Variants in TTC16 observed in about 807,000 individuals in gnomAD.
TTC16 encodes tetratricopeptide repeat domain 16.
TTC16 carries 66 observed loss-of-function variants against 80.4 expected under a neutral mutation model. The ratio of observed to expected loss-of-function variants is 0.82; its 90% CI spans 0.67 to 1.01. The LOEUF is 1.01. Among genes scored for constraint, TTC16 ranks in the 50% least tolerant of loss-of-function variants. TTC16 has a pLI of 0.00. For synonymous variants in TTC16, 438 were observed against 451.3 expected (o/e 0.97, Z 0.37); for missense variants, 1,070 against 1,103.2 (o/e 0.97, Z 0.43).
chr9:127,716,272 A>T, intron 1 of TTC16, 109 bp downstream of exon 1: 1 of 1,519,192 alleles, frequency 6.6e-7, no homozygotes, highest in Non-Finnish European at 9.1e-7. Flanking sequence ...CAGCAGTCCG[A>T]CTCAGGGAAG....
intron 4 of TTC16, 124 bp downstream of exon 4, chr9:127,717,896 G>A (rs1437394483): frequency 1.7e-5 from 21 of 1,259,748 alleles, no homozygotes; most frequent in South Asian, 3.1e-5. Context: ...GGTCCCCCCC[G>A]CTGCCCCTCT....
At position 127,722,002 on chromosome 9, in the gene TTC16, T is replaced by C. The variant is rs1843551186; in HGVS notation, c.658-1117T>C. Among the ~76,000 whole-genome samples, 1 of 152,144 alleles carries C rather than the reference T, an allele frequency of 6.6e-6. No homozygotes were observed. Among genetic ancestry groups the C allele is most frequent in the African/African-American group, 2.4e-5 (1 of 41,426 alleles). On this transcript the variant is annotated intron_variant, in intron 6 of 13. Transcript: ENST00000373289. The surrounding 1 kb of genome is among the most constrained non-coding windows in gnomAD (Gnocchi z 4.2). ...TGATAATTATTGGTGACTGTTGTGA[T>C]TTTAGCCCCTCCGATACGTAGGCGT... is the stretch of plus-strand genomic sequence containing the variant.
Position 127,731,176 on chromosome 9 carries a change from T to A in TTC16, c.2393T>A (p.Leu798Gln). The change falls in exon 14 of 14, where the codon CTG becomes CAG. Residue 798 changes from leucine to glutamine, a missense_variant. Transcript: ENST00000373289. ...GCCACCCAGGGCCGAAGCAGGGGAC[T>A]GCTCCGAAGTTCCACCAAGACTGAG... is the stretch of plus-strand genomic sequence containing the variant. The part of the protein sequence containing the change: ...VDATQGRSRG[L>Q]LRSSTKTEAF... 6.2e-7 allele frequency: 1 copy of A among 1,612,726 alleles called. No homozygotes were observed. The highest frequency in any genetic ancestry group is 8.5e-7 in the Non-Finnish European group (1 of 1,179,864).
Position 127,731,233 on chromosome 9 carries a change from A to G in TTC16, c.2450A>G (p.Lys817Arg), listed in dbSNP as rs1380154139. 6.2e-7 allele frequency: 1 copy of G among 1,612,910 alleles called. No homozygotes were observed. The highest frequency in any genetic ancestry group is 1.3e-5 in the African/African-American group (1 of 74,900). Residue 817 changes from lysine (K) to arginine (R), a missense_variant, in exon 14 of 14, where the codon AAA becomes AGA. Coordinates refer to ENST00000373289, the MANE Select transcript of TTC16 (RefSeq NM_144965.3). The part of the protein sequence containing the change: ...AFYDSNWSLS[K>R]TEYAQGQGQR... Reference sequence around the variant, plus strand: ...TATGACTCAAACTGGAGCCTCAGCAAAACTGAGTATGCCCAAGGCCAGGGC... The same window carrying G: ...TATGACTCAAACTGGAGCCTCAGCAGAACTGAGTATGCCCAAGGCCAGGGC...
At chr9:127,725,247 C>G (rs994135302) in intron 9 of TTC16, among the ~76,000 whole-genome samples, 28 of 152,106 alleles carry the variant, frequency 1.8e-4, no homozygotes, top group Admixed American at 1.2e-3. Flanking sequence ...GCACTCCAGC[C>G]TGAGCGACAG....
At chr9:127,727,710 G>A in intron 12 of TTC16, 1 of 739,244 alleles carries the variant, frequency 1.4e-6, no homozygotes, top group Non-Finnish European at 1.9e-6. Flanking sequence ...CCCTGCTCAT[G>A]GTCACTGTCA....
rs1000883430 is a variant in TTC16 at position 127,722,181 on chromosome 9, G to A, written c.658-938G>A. Reference sequence around the variant, plus strand: ...CCCAGTGGCATTGCCTGGAGCCCAAGGCTGCTTATGCCGAAGCCCTGCCCC... The same window carrying A: ...CCCAGTGGCATTGCCTGGAGCCCAAAGCTGCTTATGCCGAAGCCCTGCCCC... On this transcript the variant is annotated intron_variant, in intron 6 of 13. Coordinates refer to ENST00000373289, the MANE Select transcript of TTC16 (RefSeq NM_144965.3). The surrounding 1 kb of genome is among the most constrained non-coding windows in gnomAD (Gnocchi z 4.2). Among the ~76,000 whole-genome samples, 1 of 152,128 alleles carries A rather than the reference G, an allele frequency of 6.6e-6. No individual in the cohort carries two copies. The highest frequency in any genetic ancestry group is 2.4e-5 in the African/African-American group (1 of 41,432).
chr9:127,722,985 A>C lies in TTC16; in HGVS notation c.658-134A>C. The C allele has an allele frequency of 5.1e-6, 4 of 791,908 alleles. No individual in the cohort carries two copies. Among genetic ancestry groups the C allele is most frequent in the Non-Finnish European group, 7.8e-6 (4 of 511,466 alleles). The allele number at this position is 791,908 out of a possible 1,614,324, so 49.1% of individuals were successfully genotyped here. A position where few individuals can be genotyped will look rare whatever the true frequency, so the allele number is the denominator to read the frequency against. ...TCCATCTCAAAAAAAAAAAAAAAGC[A>C]GAAAGGGTGGAACATGGAGGGATGT... On this transcript the variant is annotated intron_variant, in intron 6 of 13. Coordinates refer to ENST00000373289, the MANE Select transcript of TTC16 (RefSeq NM_144965.3). This position sits in a 1 kb window ranked among gnomAD's most constrained non-coding sequence, Gnocchi z 4.2.
At position 127,724,683 on chromosome 9, in the gene TTC16, C is replaced by T. The variant is rs1206788880; in HGVS notation, c.1118-73C>T. 3.9e-5 allele frequency: 61 copies of T among 1,548,148 alleles called. 1 individual carries two copies. The highest frequency in any genetic ancestry group is 5.2e-5 in the Non-Finnish European group (60 of 1,151,866). On this transcript the variant is annotated intron_variant, in intron 8 of 13. Transcript: ENST00000373289. Reference sequence around the variant, plus strand: ...CCAGTTTCAGGCCCTGGCCCCCGGGCTGGAGCCGGCTGGGCTGGGGCTCCC... The same window carrying T: ...CCAGTTTCAGGCCCTGGCCCCCGGGTTGGAGCCGGCTGGGCTGGGGCTCCC...
At position 127,724,273 on chromosome 9, in the gene TTC16, C is replaced by T. The variant is rs1356161753; in HGVS notation, c.1026C>T (p.Tyr342=). The change falls in exon 8 of 14, where the codon TAC becomes TAT. Residue 342 remains tyrosine, a synonymous_variant. Coordinates refer to ENST00000373289, the MANE Select transcript of TTC16 (RefSeq NM_144965.3). Reference sequence around the variant, plus strand: ...ACAACGACTTTGCCGTGCACTGCTACAGGCAGGGCGCCTACCAGGAGGGCG... The same window carrying T: ...ACAACGACTTTGCCGTGCACTGCTATAGGCAGGGCGCCTACCAGGAGGGCG... ...LTYNDFAVHC[Y]RQGAYQEGVL... The T allele has an allele frequency of 1.2e-6, 2 of 1,612,950 alleles. No individual in the cohort carries two copies. The highest frequency in any genetic ancestry group is 1.7e-6 in the Non-Finnish European group (2 of 1,180,038).
chr9:127,717,414 A>G lies in TTC16; in HGVS notation c.272A>G (p.Asp91Gly). The change falls in exon 3 of 14, where the codon GAC becomes GGC. Residue 91 changes from aspartate to glycine, a missense_variant. Asp to Gly is a moderately conservative substitution (Grantham distance 94). Coordinates refer to ENST00000373289, the MANE Select transcript of TTC16 (RefSeq NM_144965.3). ...CTCTTCTCCCGCGCACTCCACCTGG[A>G]CCCACAGCTGGTGAGAGGCAGACCT... ...VLLFSRALHL[D>G]PQLVDFYALR... The G allele has an allele frequency of 6.2e-7, 1 of 1,612,800 alleles. No individual in the cohort carries two copies. The highest frequency in any genetic ancestry group is 8.5e-7 in the Non-Finnish European group (1 of 1,179,478).
intron 12 of TTC16, chr9:127,727,840 AC>A (rs1844106725): frequency 6.1e-6 from 1 of 164,088 alleles, no homozygotes; most frequent in Admixed American, 6.0e-5. Context: ...GCTCACTGCA[AC>A]CTCCGCCTCC....
chr9:127,716,155 T>A lies in TTC16; in HGVS notation c.10T>A (p.Ser4Thr). Residue 4 changes from serine (S) to threonine (T), a missense_variant, in exon 1 of 14, where the codon TCG (serine) becomes ACG (threonine). Coordinates refer to ENST00000373289, the MANE Select transcript of TTC16 (RefSeq NM_144965.3). ...TCCTGGAAGGGGCCTCATGACAGAT[T>A]CGGACGAGGTGCGGGCTTGGGAGAA... MTD[S>T]DEDALKVDQG... is the part of the protein sequence containing the mutation. 1 of 1,613,900 alleles carries A rather than the reference T, an allele frequency of 6.2e-7. No individual in the cohort carries two copies. The highest frequency in any genetic ancestry group is 8.5e-7 in the Non-Finnish European group (1 of 1,179,990).
rs540913849 is a variant in TTC16 at position 127,720,360 on chromosome 9, A to G, written c.622A>G (p.Ile208Val). Residue 208 changes from isoleucine (I) to valine (V), a missense_variant, in exon 6 of 14, where the codon ATC (isoleucine) becomes GTC (valine). Physicochemically the swap from Ile to Val is conservative, Grantham distance 29 (BLOSUM62 3). Transcript: ENST00000373289. ...GGACACCACCAACGCCGATGTCTAC[A>G]TCTTCCGGGCCAGACTCTACAACTT... ...KQDTTNADVY[I>V]FRARLYNFLQ... The G allele has an allele frequency of 1.3e-5, 21 of 1,613,176 alleles. No individual in the cohort carries two copies. In the Admixed American group the frequency reaches 3.5e-4, roughly 27 times the overall value.
intron 13 of TTC16, 79 bp downstream of exon 13, chr9:127,729,747 GGCCT>G: frequency 1.4e-6 from 2 of 1,404,252 alleles, no homozygotes; most frequent in Non-Finnish European, 2.0e-6. Flanking sequence ...GAAGACCGCT[GGCCT>G]AGGTGTGCGT....
intron 6 of TTC16, 37 bp downstream of exon 6, chr9:127,720,432 A>G (rs779905231): frequency 2.5e-6 from 4 of 1,608,938 alleles, no homozygotes; most frequent in African/African-American, 1.3e-5. Flanking sequence ...ATGCCCCCCA[A>G]CCTGGGAGTC....
rs144993460 is a variant in TTC16 at position 127,720,223 on chromosome 9, C to T, written c.528-43C>T. Reference sequence around the variant, plus strand: ...CCTTCTCCCAGCACCCACTTCCTGCCGCCCCACCCGGGAAACGAGCACTCT... The same window carrying T: ...CCTTCTCCCAGCACCCACTTCCTGCTGCCCCACCCGGGAAACGAGCACTCT... On this transcript the variant is annotated intron_variant, in intron 5 of 13. Coordinates refer to ENST00000373289, the MANE Select transcript of TTC16 (RefSeq NM_144965.3). 4.0e-4 allele frequency: 644 copies of T among 1,613,224 alleles called. 1 individual carries two copies. In the African/African-American group the frequency reaches 6.9e-3, roughly 17 times the overall value.
At chr9:127,729,091 G>A (rs367659690) in intron 12 of TTC16, 1 of 153,940 alleles carries the variant, frequency 6.5e-6, no homozygotes, top group African/African-American at 2.4e-5. Context: ...CGGCCTCTCT[G>A]CTTCTTAGCC....
At position 127,730,957 on chromosome 9, in the gene TTC16, C is replaced by T; in HGVS notation, c.2174C>T (p.Ala725Val). The stretch of plus-strand genomic sequence containing the variant: ...AGGCGGAACTCCAGCAAGACCAGGG[C>T]CACCCAGGGCCAGGGGCAGAGCTCC... ...SQRRNSSKTR[A>V]TQGQGQSSSK... The change falls in exon 14 of 14, where the codon GCC (alanine) becomes GTC (valine). Residue 725 changes from alanine to valine, a missense_variant. Transcript: ENST00000373289. The T allele has an allele frequency of 6.2e-7, 1 of 1,613,428 alleles. No homozygotes were observed. Among genetic ancestry groups the T allele is most frequent in the African/African-American group, 1.3e-5 (1 of 74,954 alleles).
Sources: gnomAD v4.1 joint callset for allele counts (sites outside exome capture counted in the v4.1 genomes callset) on GRCh38, gnomAD v4.1.1 for gene constraint, Gnocchi (gnomAD v3.1) non-coding constraint, MANE v1.5 for transcripts, NCBI Gene and HGNC (gene_info 2026-07-23, HGNC 2026-07-21) for gene names.